The following EPS15L1 variants were observed in gnomAD, a reference collection of about 807,000 sequenced individuals.
EPS15L1 encodes epidermal growth factor receptor pathway substrate 15 like 1, also known as epidermal growth factor receptor substrate 15-like 1.
Under a neutral mutation model 117.1 loss-of-function variants are expected in EPS15L1, and 43 were observed. The observed-to-expected ratio is 0.37, with a 90% CI of 0.29 to 0.47. The LOEUF (loss-of-function observed/expected upper bound fraction) is 0.47, where lower values mean the gene tolerates loss of function less well. Among genes scored for constraint, EPS15L1 ranks in the 20% least tolerant of loss-of-function variants. The probability of loss-of-function intolerance (pLI) is 0.99; values close to 1 mark genes in which losing one functional copy is unlikely to be tolerated. For synonymous variants in EPS15L1, 459 were observed against 470.5 expected, an observed-to-expected ratio of 0.98 and a Z score of 0.32; for missense variants, 981 against 1,164.0, an observed-to-expected ratio of 0.84 and a Z score of 2.29.
intron 12 of EPS15L1, among the ~76,000 whole-genome samples, chr19:16,416,000 G>A (rs1004077104): frequency 6.6e-6 from 1 of 152,216 alleles, no homozygotes; most frequent in Non-Finnish European, 1.5e-5. Flanking sequence ...ACCATCTGCT[G>A]CACTGAACAT....
Position 16,355,479 on chromosome 19 carries a change from TG to T in EPS15L1, c.*225del. On this transcript the variant is annotated 3_prime_UTR_variant, in exon 24 of 24. Coordinates refer to ENST00000455140, the MANE Select transcript of EPS15L1 (RefSeq NM_001258374.3). Reference sequence around the variant, plus strand: ...GTCAGCCCCGGGGGGGATGGCACAGTGGAGAGACGGACCTGCAGAAGTGGTG... The same window carrying T: ...GTCAGCCCCGGGGGGGATGGCACAGTGAGAGACGGACCTGCAGAAGTGGTG... 1.8e-6 allele frequency: 1 copy of T among 543,712 alleles called. No homozygotes were observed. Among genetic ancestry groups the T allele is most frequent in the Non-Finnish European group, 3.2e-6 (1 of 309,636 alleles). 33.7% of individuals were successfully genotyped at this position (543,712 alleles called of 1,614,324 possible).
At chr19:16,363,545 A>G (rs2092089239) in intron 22 of EPS15L1, among the ~76,000 whole-genome samples, 1 of 152,176 alleles carries the variant, frequency 6.6e-6, no homozygotes, top group Admixed American at 6.5e-5. Flanking sequence ...TTGAGGCCCC[A>G]GGTGTCCTTG....
intron 12 of EPS15L1, among the ~76,000 whole-genome samples, chr19:16,417,187 A>T (rs1304691238): frequency 6.6e-6 from 1 of 151,512 alleles, no homozygotes; most frequent in Non-Finnish European, 1.5e-5. Context: ...GGCTGTGCCC[A>T]TGACCTGCCT....
At position 16,405,354 on chromosome 19, in the gene EPS15L1, G is replaced by A. The variant is rs1303842345; in HGVS notation, c.1267-605C>T. ...AGGCCACGCCAAGGAGACTGCGCTGGGCTCTGTGGTGGGGAGCCCGGTGGG... is the reference window on the plus strand; with the variant it reads ...AGGCCACGCCAAGGAGACTGCGCTGAGCTCTGTGGTGGGGAGCCCGGTGGG... On this transcript the variant is annotated intron_variant, in intron 13 of 23. Coordinates refer to ENST00000455140, the MANE Select transcript of EPS15L1 (RefSeq NM_001258374.3). The surrounding 1 kb of genome is among the most constrained non-coding windows in gnomAD (Gnocchi z 4.0). 1.3e-5 allele frequency among the ~76,000 whole-genome samples: 2 copies of A among 152,194 alleles called. No homozygotes were observed. Among genetic ancestry groups the A allele is most frequent in the Non-Finnish European group, 2.9e-5 (2 of 68,036 alleles).
intron 1 of EPS15L1, among the ~76,000 whole-genome samples, chr19:16,448,547 A>AGC (rs1555767222): frequency 4.2e-5 from 5 of 119,356 alleles, no homozygotes; most frequent in Non-Finnish European, 8.3e-5. Flanking sequence ...TTAAAAAAAA[A>AGC]GGGGGGGGGA....
intron 8 of EPS15L1, 97 bp from the exon 9 acceptor site, chr19:16,425,413 G>GAGTGTCCT: frequency 1.2e-6 from 1 of 816,774 alleles, no homozygotes. Flanking sequence ...TGCAGTGACA[G>GAGTGTCCT]GACACTCTGT....
intron 16 of EPS15L1, 78 bp downstream of exon 16, chr19:16,402,243 G>A: frequency 1.3e-6 from 2 of 1,514,560 alleles, no homozygotes; most frequent in Non-Finnish European, 1.8e-6. Context: ...GCCATGAACA[G>A]ATCTGGCGGG....
intron 21 of EPS15L1, among the ~76,000 whole-genome samples, chr19:16,378,051 G>A (rs564536254): frequency 2.6e-5 from 4 of 152,312 alleles, no homozygotes; most frequent in Admixed American, 1.3e-4. Context: ...GCAGATGGAT[G>A]GAATGGTAGT....
At chr19:16,444,960 C>A (rs2093069330) in intron 1 of EPS15L1, among the ~76,000 whole-genome samples, 1 of 152,148 alleles carries the variant, frequency 6.6e-6, no homozygotes, top group Admixed American at 6.5e-5. Flanking sequence ...CTCAGGTGAT[C>A]CGCCTGCTTT....
At chr19:16,419,606 G>C (rs902223067) in intron 10 of EPS15L1, among the ~76,000 whole-genome samples, 1 of 152,146 alleles carries the variant, frequency 6.6e-6, no homozygotes, top group Non-Finnish European at 1.5e-5. Context: ...CTCCCGTGTA[G>C]CTGCGGCAGA....
intron 1 of EPS15L1, among the ~76,000 whole-genome samples, chr19:16,444,116 AAATGAAAATAG>A (rs2093060303): frequency 6.6e-6 from 1 of 151,010 alleles, no homozygotes; most frequent in South Asian, 2.1e-4. Flanking sequence ...TACCATGACA[AAATGAAAATAG>A]AAGGAAAATA....
chr19:16,402,545 G>A (rs572182050), intron 15 of EPS15L1, 60 bp from the exon 16 acceptor site: 2 of 1,470,342 alleles, frequency 1.4e-6, no homozygotes, highest in African/African-American at 1.5e-5. Flanking sequence ...CAGAAAAGAC[G>A]CTTTTTTTTT....
At chr19:16,469,607 A>C (rs966269944) in intron 1 of EPS15L1, among the ~76,000 whole-genome samples, 2 of 152,186 alleles carry the variant, frequency 1.3e-5, no homozygotes, top group Admixed American at 6.6e-5. Context: ...AGAGTATATA[A>C]GGAAGGAGAT....
Position 16,417,948 on chromosome 19 carries a change from C to T in EPS15L1, c.1107G>A (p.Pro369=). The change falls in exon 11 of 24, where the codon CCG becomes CCA. Residue 369 remains proline (P), a splice_region_variant and synonymous_variant. Transcript: ENST00000455140. ...VPPSERGTPG[P]DSSGSLGSGE... ...CCAGGGCATGACCAGCACCACTCAC[C>T]GGGCCGGGCGTGCCTCTCTCCGAAG... 3 of 1,611,992 alleles carry T rather than the reference C, an allele frequency of 1.9e-6. No homozygotes were observed. Among genetic ancestry groups the T allele is most frequent in the Non-Finnish European group, 2.5e-6 (3 of 1,179,072 alleles).
chr19:16,396,103 C>G (rs1049349185), intron 16 of EPS15L1, among the ~76,000 whole-genome samples: 1 of 151,292 alleles, frequency 6.6e-6, no homozygotes, highest in African/African-American at 2.4e-5. Context: ...GACCCTGTAT[C>G]TTTAAAAAAA....
chr19:16,406,302 A>G (rs1410579752), intron 13 of EPS15L1, among the ~76,000 whole-genome samples: 1 of 152,316 alleles, frequency 6.6e-6, no homozygotes, highest in East Asian at 1.9e-4. Flanking sequence ...TGGAGGGGAC[A>G]ATCAGGGTCA....
At chr19:16,437,742 T>C in intron 5 of EPS15L1, 28 bp downstream of exon 5, 1 of 1,532,396 alleles carries the variant, frequency 6.5e-7, no homozygotes, top group Non-Finnish European at 9.0e-7. Context: ...ATTAGAAGAA[T>C]GTGAACTTGA....
intron 16 of EPS15L1, chr19:16,401,713 TC>T: frequency 7.1e-6 from 7 of 985,388 alleles, no homozygotes; most frequent in Non-Finnish European, 8.4e-6. Context: ...GGGCCGACAG[TC>T]CCCTGCCCCA....
intron 7 of EPS15L1, among the ~76,000 whole-genome samples, chr19:16,430,208 G>A (rs552073634): frequency 2.2e-4 from 33 of 152,300 alleles, no homozygotes; most frequent in Admixed American, 1.5e-3. Flanking sequence ...CCTGCTCCCC[G>A]TGCTCGAGTG....
Sources: gnomAD v4.1 joint callset for allele counts (sites outside exome capture counted in the v4.1 genomes callset) on GRCh38, gnomAD v4.1.1 for gene constraint, Gnocchi (gnomAD v3.1) non-coding constraint, MANE v1.5 for transcripts, NCBI Gene and HGNC (gene_info 2026-07-23, HGNC 2026-07-21) for gene names.